The following OGDH variants were observed in gnomAD, a reference collection of about 807,000 sequenced individuals.
The protein encoded by OGDH is 2-oxoglutarate dehydrogenase complex component E1.
In OGDH, 38 loss-of-function variants were observed where a neutral mutation model predicts 116.6. The observed-to-expected ratio is 0.33, with a 90% confidence interval of 0.25 to 0.43. The LOEUF is 0.43. Ranked by LOEUF, OGDH falls within the 20% of genes least tolerant of loss-of-function variation. The pLI is 1.00. For missense variants in OGDH, 825 were observed against 1,357.2 expected, an observed-to-expected ratio of 0.61 and a Z score of 6.16; for synonymous variants, 488 against 533.3, an observed-to-expected ratio of 0.92 and a Z score of 1.17.
chr7:44,642,378 C>T (rs754961685), intron 2 of OGDH, among the ~76,000 whole-genome samples: 4 of 152,184 alleles, frequency 2.6e-5, no homozygotes, highest in East Asian at 3.9e-4. Context: ...GAGCCAAGAT[C>T]GTGCCAGTCT....
At chr7:44,616,051 A>G (rs1205868833) in intron 1 of OGDH, among the ~76,000 whole-genome samples, 2 of 151,354 alleles carry the variant, frequency 1.3e-5, no homozygotes, top group Non-Finnish European at 2.9e-5. Context: ...AAAAAACCTC[A>G]ATGCTCTTTC....
chr7:44,666,234 A>G (rs1418546420), intron 4 of OGDH, among the ~76,000 whole-genome samples: 1 of 152,090 alleles, frequency 6.6e-6, no homozygotes, highest in Non-Finnish European at 1.5e-5. Context: ...TTTCTCCTTC[A>G]CTTCTTAGTC....
Position 44,694,993 on chromosome 7 carries a change from G to A in OGDH, c.1668+417G>A, listed in dbSNP as rs1318053298. Among the ~76,000 whole-genome samples, 3 of 152,160 alleles carry A rather than the reference G, an allele frequency of 2.0e-5. No individual in the cohort carries two copies. Among genetic ancestry groups the A allele is most frequent in the Admixed American group, 2.0e-4 (3 of 15,276 alleles). Reference sequence around the variant, plus strand: ...CTAGAGAGGGAGAGGGTGGGTGTGAGGAGCTATATCTGAGCATGGGAACAG... The same window carrying A: ...CTAGAGAGGGAGAGGGTGGGTGTGAAGAGCTATATCTGAGCATGGGAACAG... On this transcript the variant is annotated intron_variant, in intron 12 of 22. Transcript: ENST00000222673. The surrounding 1 kb of genome is among the most constrained non-coding windows in gnomAD (Gnocchi z 4.2).
intron 20 of OGDH, among the ~76,000 whole-genome samples, chr7:44,702,568 T>A (rs1448074119): frequency 6.6e-6 from 1 of 151,846 alleles, no homozygotes; most frequent in Non-Finnish European, 1.5e-5. Flanking sequence ...TCCCAATCTT[T>A]TTTTATTTTT....
chr7:44,658,436 T>G (rs1786789879), intron 4 of OGDH, among the ~76,000 whole-genome samples: 1 of 151,910 alleles, frequency 6.6e-6, no homozygotes, highest in South Asian at 2.1e-4. Context: ...GAGATCCCGA[T>G]GAACTCATTC....
chr7:44,616,387 C>T (rs1784768931), intron 1 of OGDH, among the ~76,000 whole-genome samples: 1 of 152,048 alleles, frequency 6.6e-6, no homozygotes, highest in Non-Finnish European at 1.5e-5. Context: ...TATACTGAAG[C>T]GTACTCAGGG....
chr7:44,630,938 C>T (rs1785413015), intron 2 of OGDH, among the ~76,000 whole-genome samples: 1 of 152,106 alleles, frequency 6.6e-6, no homozygotes, highest in South Asian at 2.1e-4. Context: ...GCTCACAATC[C>T]AGTTGGCTCT....
chr7:44,675,668 G>A (rs1250092178), intron 8 of OGDH, among the ~76,000 whole-genome samples: 2 of 151,904 alleles, frequency 1.3e-5, no homozygotes, highest in African/African-American at 2.4e-5. Context: ...ACGTGAGGTC[G>A]AGAGTTTGAG....
chr7:44,652,587 G>C (rs537333834), intron 4 of OGDH, among the ~76,000 whole-genome samples: 1 of 152,156 alleles, frequency 6.6e-6, no homozygotes, highest in East Asian at 1.9e-4. Context: ...TTAAAATAGA[G>C]ACAGGGTCTT....
At chr7:44,671,736 C>A (rs1024420119) in intron 5 of OGDH, among the ~76,000 whole-genome samples, 1 of 142,112 alleles carries the variant, frequency 7.0e-6, no homozygotes, top group Admixed American at 7.4e-5. Context: ...CCACTGCACT[C>A]CAGTCTGGGC....
At chr7:44,678,287 T>C (rs1787785607) in intron 9 of OGDH, among the ~76,000 whole-genome samples, 1 of 152,130 alleles carries the variant, frequency 6.6e-6, no homozygotes. Context: ...GCACCCTCCT[T>C]GGCTAGGACA....
chr7:44,700,440 A>C (rs1237979632), intron 19 of OGDH, among the ~76,000 whole-genome samples, 171 bp downstream of exon 19: 1 of 152,198 alleles, frequency 6.6e-6, no homozygotes, highest in Non-Finnish European at 1.5e-5. Context: ...CACTGCTGCC[A>C]TGAGGGAACT....
chr7:44,698,213 C>A lies in OGDH; in HGVS notation c.2380C>A (p.Arg794Ser). ...EGMGPEHSSA[R>S]PERFLQMCND... The stretch of plus-strand genomic sequence containing the variant: ...CCAGGGTCCAGAACATTCCTCCGCC[C>A]GCCCAGAGCGGTTCTTGCAGATGTG... The change falls in exon 18 of 23, where the codon CGC becomes AGC. Residue 794 changes from arginine to serine, a missense_variant. Physicochemically the swap from Arg to Ser is moderately radical, Grantham distance 110. This residue lies in a region of OGDH where 73 missense variants were observed against 182.3 expected (regional missense o/e 0.40). Coordinates refer to ENST00000222673, the MANE Select transcript of OGDH (RefSeq NM_002541.4). 1 of 1,614,152 alleles carries A rather than the reference C, an allele frequency of 6.2e-7. No individual in the cohort carries two copies. The highest frequency in any genetic ancestry group is 8.5e-7 in the Non-Finnish European group (1 of 1,180,030).
intron 7 of OGDH, 174 bp downstream of exon 7, chr7:44,674,731 G>A (rs1787613741): frequency 1.5e-6 from 1 of 688,434 alleles, no homozygotes; most frequent in Non-Finnish European, 2.4e-6. Flanking sequence ...CACATTGCCT[G>A]CCTCTGGAGG....
At chr7:44,628,414 T>C (rs1785290982) in intron 2 of OGDH, among the ~76,000 whole-genome samples, 1 of 151,378 alleles carries the variant, frequency 6.6e-6, no homozygotes, top group African/African-American at 2.4e-5. Context: ...CACTTTATAA[T>C]TGGTCGTTGT....
intron 4 of OGDH, among the ~76,000 whole-genome samples, chr7:44,654,581 T>A (rs1786602159): frequency 6.6e-6 from 1 of 152,212 alleles, no homozygotes; most frequent in Non-Finnish European, 1.5e-5. Context: ...TGCAGCGTGC[T>A]GTGTGCCACA....
At chr7:44,652,705 T>C (rs912136171) in intron 4 of OGDH, among the ~76,000 whole-genome samples, 7 of 152,136 alleles carry the variant, frequency 4.6e-5, no homozygotes, top group African/African-American at 1.7e-4. Flanking sequence ...CCAGCTGACA[T>C]GTATTAAATA....
chr7:44,681,092 G>T (rs773238934), intron 9 of OGDH, among the ~76,000 whole-genome samples: 15 of 152,164 alleles, frequency 9.9e-5, no homozygotes, highest in South Asian at 4.1e-4. Context: ...TGGTTCAGAC[G>T]CAGTTGTCAA....
Position 44,697,441 on chromosome 7 carries a change from C to T in OGDH, c.2123C>T (p.Pro708Leu). Residue 708 changes from proline (P) to leucine (L), a missense_variant, in exon 16 of 23, where the codon CCC becomes CTC. This residue lies in a region of OGDH where 73 missense variants were observed against 182.3 expected (regional missense o/e 0.40). Coordinates refer to ENST00000222673, the MANE Select transcript of OGDH (RefSeq NM_002541.4). The surrounding 1 kb of genome is among the most constrained non-coding windows in gnomAD (Gnocchi z 6.0). ...TGCATCCCCATGAACCATCTCTGGC[C>T]CAATCAGGCCCCCTATACTGTGTGC... Reference protein sequence around the residue: ...RTCIPMNHLWPNQAPYTVCNS... With the variant: ...RTCIPMNHLWLNQAPYTVCNS... 3.7e-6 allele frequency: 6 copies of T among 1,614,162 alleles called. No homozygotes were observed. The East Asian group carries it at 1.3e-4, about 36-fold the overall frequency.
Sources: allele counts gnomAD v4.1 joint callset (sites outside exome capture counted in the v4.1 genomes callset), GRCh38; gene constraint gnomAD v4.1.1; regional missense constraint gnomAD v4.1.1; non-coding constraint Gnocchi (gnomAD v3.1); transcripts MANE v1.5; gene names NCBI Gene and HGNC (gene_info 2026-07-23, HGNC 2026-07-21).